The following XRN2 variants were observed in gnomAD, a reference collection of about 807,000 sequenced individuals.
XRN2 encodes 5'-3' exoribonuclease 2, also known as DHM1-like protein.
XRN2 carries 44 observed loss-of-function variants against 138.5 expected under a neutral mutation model. That is an observed-to-expected ratio of 0.32 (90% CI 0.25 to 0.41). XRN2 has a LOEUF of 0.41. Among genes scored for constraint, XRN2 ranks in the 10% least tolerant of loss-of-function variants. XRN2 has a pLI of 1.00. For missense variants in XRN2, 937 were observed against 1,169.3 expected (o/e 0.80, Z 2.90); for synonymous variants, 354 against 369.4 (o/e 0.96, Z 0.48).
chr20:21,379,892 A>T (rs1473498831), intron 27 of XRN2, among the ~76,000 whole-genome samples: 3 of 152,204 alleles, frequency 2.0e-5, no homozygotes, highest in East Asian at 1.9e-4. Flanking sequence ...GACAAAATAT[A>T]CAAGTTTTTT....
At chr20:21,331,418 C>T (rs1451741391) in intron 6 of XRN2, 143 bp from the exon 7 acceptor site, 13 of 668,618 alleles carry the variant, frequency 1.9e-5, no homozygotes, top group Non-Finnish European at 3.1e-5. Context: ...CACACACACA[C>T]ACACACACAC....
At chr20:21,317,204 G>A (rs905245619) in intron 1 of XRN2, among the ~76,000 whole-genome samples, 3 of 152,110 alleles carry the variant, frequency 2.0e-5, no homozygotes, top group Admixed American at 6.6e-5. Context: ...TGACCACCAA[G>A]TATGATGTTA....
chr20:21,339,578 TC>T, intron 14 of XRN2, among the ~76,000 whole-genome samples: 1 of 152,260 alleles, frequency 6.6e-6, no homozygotes, highest in Non-Finnish European at 1.5e-5. Context: ...GTCCAGCACA[TC>T]CCCTGTTGTC....
chr20:21,318,924 T>G (rs1455936081), intron 1 of XRN2, among the ~76,000 whole-genome samples: 1 of 152,184 alleles, frequency 6.6e-6, no homozygotes, highest in Admixed American at 6.5e-5. Context: ...GTTAGGTCTC[T>G]GTTGATAGTG....
At chr20:21,351,197 TAACTC>T (rs976335089) in intron 20 of XRN2, among the ~76,000 whole-genome samples, 3 of 152,202 alleles carry the variant, frequency 2.0e-5, no homozygotes, top group Non-Finnish European at 4.4e-5. Context: ...CAATATAACT[TAACTC>T]TAGGGGAAAA....
In XRN2 at chr20:21,365,716, G is replaced by A; in HGVS notation, c.2456+12G>A. The A allele has an allele frequency of 6.2e-7, 1 of 1,600,416 alleles. No individual in the cohort carries two copies. The highest frequency in any genetic ancestry group is 8.5e-7 in the Non-Finnish European group (1 of 1,174,118). ...TTCAGGACTTTGGGGTGAGTTGTCA[G>A]TTTTTAGCCCTTGTATATTTTGCTT... On this transcript the variant is annotated intron_variant, in intron 26 of 29. Transcript: ENST00000377191.
At position 21,340,721 on chromosome 20, in the gene XRN2, A is replaced by G. The variant is rs143329389; in HGVS notation, c.1279A>G (p.Arg427Gly). The G allele has an allele frequency of 6.2e-6, 10 of 1,613,562 alleles. No homozygotes were observed. The highest frequency in any genetic ancestry group is 1.7e-4 in the Middle Eastern group (1 of 6,054). Residue 427 changes from arginine (R) to glycine (G), a missense_variant and splice_region_variant, in exon 15 of 30, where the codon AGA becomes GGA. By Grantham distance (125) the Arg-to-Gly change is moderately radical. This residue lies in a region of XRN2 where 471 missense variants were observed against 581.2 expected (regional missense o/e 0.81). Transcript: ENST00000377191. ...TCTACATTCATTCCATTTATGTTAG[A>G]GAGATCAACCAGCTTTCACTCCTAG... ...RQKEKRKRMKRDQPAFTPSGI... is the reference protein window; with the variant it reads ...RQKEKRKRMKGDQPAFTPSGI...
intron 15 of XRN2, among the ~76,000 whole-genome samples, chr20:21,342,637 A>G (rs1408290717): frequency 1.3e-5 from 2 of 152,238 alleles, no homozygotes; most frequent in Non-Finnish European, 2.9e-5. Flanking sequence ...GGGTTGAAAA[A>G]ACAATAGTGA....
At chr20:21,326,840 GCTTA>G (rs2038135888) in intron 3 of XRN2, among the ~76,000 whole-genome samples, 1 of 152,150 alleles carries the variant, frequency 6.6e-6, no homozygotes, top group South Asian at 2.1e-4. Context: ...TGAACTTTTG[GCTTA>G]CTGTCAAAGG....
At chr20:21,353,805 A>AC (rs2038542792) in intron 20 of XRN2, among the ~76,000 whole-genome samples, 1 of 151,616 alleles carries the variant, frequency 6.6e-6, no homozygotes, top group African/African-American at 2.4e-5. Flanking sequence ...AAAAAAAAAA[A>AC]AAAAACAACT....
At chr20:21,384,883 T>C (rs952755440) in intron 28 of XRN2, among the ~76,000 whole-genome samples, 1 of 152,240 alleles carries the variant, frequency 6.6e-6, no homozygotes, top group Non-Finnish European at 1.5e-5. Context: ...TTTTTAGTTT[T>C]GTAAGTATTT....
chr20:21,386,847 A>T (rs753947042), intron 28 of XRN2, 21 bp from the exon 29 acceptor site: 2 of 1,602,136 alleles, frequency 1.2e-6, no homozygotes, highest in Admixed American at 3.3e-5. Context: ...CTTCTGATGT[A>T]AAACTGGTAC....
At chr20:21,387,098 A>C in intron 29 of XRN2, 92 bp downstream of exon 29, 1 of 1,505,866 alleles carries the variant, frequency 6.6e-7, no homozygotes, top group South Asian at 1.3e-5. Context: ...ATTTCTGGAG[A>C]AGACACTGAT....
At chr20:21,321,560 TTC>T (rs1459901690) in intron 1 of XRN2, among the ~76,000 whole-genome samples, 1 of 152,080 alleles carries the variant, frequency 6.6e-6, no homozygotes, top group Non-Finnish European at 1.5e-5. Context: ...GTGCAAGTGA[TTC>T]TCCCGCTTCA....
At chr20:21,303,854 T>C in intron 1 of XRN2, 1 of 1,023,076 alleles carries the variant, frequency 9.8e-7, no homozygotes, top group Non-Finnish European at 1.2e-6. Flanking sequence ...CCAGGTCAGC[T>C]GAGCTAGCGG....
chr20:21,376,689 T>C (rs1316440407), intron 27 of XRN2, among the ~76,000 whole-genome samples: 1 of 152,012 alleles, frequency 6.6e-6, no homozygotes, highest in Non-Finnish European at 1.5e-5. Context: ...TCTGGATAAT[T>C]GAATATGAAG....
At chr20:21,322,391 T>C (rs1441100730) in intron 1 of XRN2, among the ~76,000 whole-genome samples, 1 of 152,222 alleles carries the variant, frequency 6.6e-6, no homozygotes, top group Non-Finnish European at 1.5e-5. Context: ...CATTTCTCTC[T>C]AAAATATCAC....
intron 1 of XRN2, among the ~76,000 whole-genome samples, chr20:21,319,605 T>C (rs2038010007): frequency 6.6e-6 from 1 of 152,168 alleles, no homozygotes; most frequent in South Asian, 2.1e-4. Flanking sequence ...TTCTAGAGCT[T>C]ACCCTATGTA....
chr20:21,385,313 G>A (rs928241800), intron 28 of XRN2, among the ~76,000 whole-genome samples: 2 of 152,138 alleles, frequency 1.3e-5, no homozygotes, highest in African/African-American at 4.8e-5. Context: ...TGAGACTTTG[G>A]TTACAGCACA....
Sources: allele counts gnomAD v4.1 joint callset (sites outside exome capture counted in the v4.1 genomes callset), GRCh38; gene constraint gnomAD v4.1.1; regional missense constraint gnomAD v4.1.1; transcripts MANE v1.5; gene names NCBI Gene and HGNC (gene_info 2026-07-23, HGNC 2026-07-21).